CTNND2: variants seen among roughly 807,000 people sequenced by gnomAD.
CTNND2 encodes catenin delta 2.
CTNND2 carries 22 observed loss-of-function variants against 144.4 expected under a neutral mutation model. The observed-to-expected ratio is 0.15, with a 90% CI of 0.11 to 0.22. The LOEUF (loss-of-function observed/expected upper bound fraction) is 0.22. Among genes scored for constraint, CTNND2 ranks in the 10% least tolerant of loss-of-function variants. CTNND2 has a pLI of 1.00. For synonymous variants in CTNND2, 751 were observed against 695.6 expected, an observed-to-expected ratio of 1.08 and a Z score of -1.25; for missense variants, 1,353 against 1,618.8, an observed-to-expected ratio of 0.84 and a Z score of 2.82.
chr5:10,976,790 C>G (rs919727049), intron 21 of CTNND2, among the ~76,000 whole-genome samples: 5 of 152,280 alleles, frequency 3.3e-5, no homozygotes, highest in Middle Eastern at 3.4e-3. Context: ...ATTTTGAACA[C>G]AAGGGAAATA....
chr5:11,127,266 G>A (rs1386436051), intron 12 of CTNND2, among the ~76,000 whole-genome samples: 2 of 152,234 alleles, frequency 1.3e-5, no homozygotes, highest in African/African-American at 4.8e-5. Flanking sequence ...AGTGCTTCCT[G>A]AGATCTGGCC....
At chr5:11,793,949 T>A (rs1365554563) in intron 1 of CTNND2, among the ~76,000 whole-genome samples, 2 of 152,232 alleles carry the variant, frequency 1.3e-5, no homozygotes, top group African/African-American at 2.4e-5. Flanking sequence ...TTGACTCCCA[T>A]ATTTATGGCA....
intron 2 of CTNND2, chr5:11,588,963 A>C (rs776181442): frequency 1.6e-4 from 159 of 985,292 alleles, no homozygotes; most frequent in Non-Finnish European, 1.8e-4. Context: ...AACAGCCTCG[A>C]AAAAGTCAGG....
At chr5:11,152,111 T>C (rs951995486) in intron 12 of CTNND2, among the ~76,000 whole-genome samples, 5 of 152,170 alleles carry the variant, frequency 3.3e-5, no homozygotes, top group African/African-American at 1.2e-4. Flanking sequence ...GAGAGGTGGA[T>C]CAGCCACGGA....
chr5:11,323,231 T>G (rs866016587), intron 9 of CTNND2, among the ~76,000 whole-genome samples: 16 of 121,816 alleles, frequency 1.3e-4, no homozygotes, highest in South Asian at 3.4e-4. Context: ...ATTTAGAGAT[T>G]GGGGGGGGGG....
intron 1 of CTNND2, among the ~76,000 whole-genome samples, chr5:11,848,710 T>C (rs916833678): frequency 6.6e-6 from 1 of 152,194 alleles, no homozygotes; most frequent in Non-Finnish European, 1.5e-5. Flanking sequence ...CGTAGAGAGC[T>C]TCTATACACA....
chr5:11,889,321 C>A (rs1293709137), intron 1 of CTNND2, among the ~76,000 whole-genome samples: 1 of 152,156 alleles, frequency 6.6e-6, no homozygotes, highest in Non-Finnish European at 1.5e-5. Context: ...TAAGACTAAA[C>A]TGAGTTAATG....
At chr5:11,622,721 G>A (rs1780913938) in intron 2 of CTNND2, among the ~76,000 whole-genome samples, 1 of 151,964 alleles carries the variant, frequency 6.6e-6, no homozygotes, top group Non-Finnish European at 1.5e-5. Flanking sequence ...TACAAACCTG[G>A]ACCCTCAAAA....
intron 2 of CTNND2, among the ~76,000 whole-genome samples, chr5:11,600,861 T>C (rs967788722): frequency 1.3e-5 from 2 of 151,808 alleles, no homozygotes; most frequent in Non-Finnish European, 2.9e-5. Flanking sequence ...GTGGTAAAAA[T>C]GTGGTGGGAA....
At chr5:11,066,228 TGGGGTTCCACC>T (rs2149603393) in intron 16 of CTNND2, among the ~76,000 whole-genome samples, 1 of 152,234 alleles carries the variant, frequency 6.6e-6, no homozygotes, top group East Asian at 1.9e-4. Flanking sequence ...TTAGTAGAGA[TGGGGTTCCACC>T]ATGTTGGCCA....
intron 2 of CTNND2, among the ~76,000 whole-genome samples, chr5:11,687,728 C>T (rs1302676207): frequency 6.6e-6 from 1 of 152,126 alleles, no homozygotes; most frequent in Non-Finnish European, 1.5e-5. Context: ...TCATGGAGCA[C>T]GTGTTCTAGT....
chr5:11,030,672 T>A (rs1339595588), intron 16 of CTNND2, among the ~76,000 whole-genome samples: 1 of 151,858 alleles, frequency 6.6e-6, no homozygotes, highest in Non-Finnish European at 1.5e-5. Flanking sequence ...TTCCTTTAAT[T>A]CTTTGAACAT....
At chr5:11,175,133 T>A (rs1223709544) in intron 11 of CTNND2, among the ~76,000 whole-genome samples, 1 of 152,162 alleles carries the variant, frequency 6.6e-6, no homozygotes, top group East Asian at 1.9e-4. Context: ...CTATTTTTTT[T>A]TACATAGTAA....
Position 11,904,037 on chromosome 5 carries a change from C to T in CTNND2, c.-184G>A. On this transcript the variant is annotated 5_prime_UTR_variant, in exon 1 of 22. Coordinates refer to ENST00000304623, the MANE Select transcript of CTNND2 (RefSeq NM_001332.4). The surrounding 1 kb of genome is among the most constrained non-coding windows in gnomAD (Gnocchi z 4.2). ...GAGCGCCGCGGGCGAGAGGCGGCTCCCGACGCGAGTGCGCAGCGCCCGGCC... is the reference window on the plus strand; with the variant it reads ...GAGCGCCGCGGGCGAGAGGCGGCTCTCGACGCGAGTGCGCAGCGCCCGGCC... The T allele has an allele frequency of 2.1e-6, 1 of 482,676 alleles. No individual in the cohort carries two copies. Among genetic ancestry groups the T allele is most frequent in the East Asian group, 4.9e-5 (1 of 20,352 alleles). 29.9% of individuals were successfully genotyped at this position (482,676 alleles called of 1,614,324 possible). A position where few individuals can be genotyped will look rare whatever the true frequency, so the allele number is the denominator to read the frequency against.
intron 18 of CTNND2, among the ~76,000 whole-genome samples, chr5:11,006,084 T>C (rs564117526): frequency 2.7e-4 from 41 of 152,058 alleles, no homozygotes; most frequent in African/African-American, 9.4e-4. Flanking sequence ...TGGGAGCAGA[T>C]GAGATCATCT....
chr5:11,329,290 G>A (rs541719668), intron 9 of CTNND2, among the ~76,000 whole-genome samples: 6 of 152,244 alleles, frequency 3.9e-5, no homozygotes, highest in Admixed American at 1.3e-4. Flanking sequence ...GAGTAGCTGG[G>A]ACTACAGGCA....
chr5:11,399,462 T>G (rs746639230), intron 5 of CTNND2, among the ~76,000 whole-genome samples: 2 of 152,218 alleles, frequency 1.3e-5, no homozygotes, highest in East Asian at 3.8e-4. Context: ...GTTTTGAGTA[T>G]GTAGTTAGCA....
At chr5:11,562,629 G>C (rs1428059808) in intron 3 of CTNND2, among the ~76,000 whole-genome samples, 2 of 152,194 alleles carry the variant, frequency 1.3e-5, no homozygotes, top group Non-Finnish European at 2.9e-5. Flanking sequence ...CTATTATTTA[G>C]TACAGATTTA....
At chr5:11,647,272 C>T (rs976371812) in intron 2 of CTNND2, among the ~76,000 whole-genome samples, 2 of 152,118 alleles carry the variant, frequency 1.3e-5, no homozygotes, top group African/African-American at 4.8e-5. Context: ...AAGTCCAAGC[C>T]TGGATCAATA....
Sources: gnomAD v4.1 joint callset for allele counts (sites outside exome capture counted in the v4.1 genomes callset) on GRCh38, gnomAD v4.1.1 for gene constraint, Gnocchi (gnomAD v3.1) non-coding constraint, MANE v1.5 for transcripts, NCBI Gene and HGNC (gene_info 2026-07-23, HGNC 2026-07-21) for gene names.